ERGIC1: variants seen among roughly 807,000 people sequenced by gnomAD.
The protein encoded by ERGIC1 is endoplasmic reticulum-golgi intermediate compartment 1, also known as endoplasmic reticulum-Golgi intermediate compartment protein 1.
A neutral mutation model predicts 38.3 loss-of-function variants in ERGIC1; 19 were observed. That is an observed-to-expected ratio of 0.50 (90% CI 0.35 to 0.73). The LOEUF (loss-of-function observed/expected upper bound fraction) is 0.73, where lower values mean the gene tolerates loss of function less well. Ranked by LOEUF, ERGIC1 falls within the 30% of genes least tolerant of loss-of-function variation. The probability of loss-of-function intolerance (pLI) is 0.01; values close to 1 mark genes in which losing one functional copy is unlikely to be tolerated. For synonymous variants in ERGIC1, 124 were observed against 157.6 expected (o/e 0.79, Z 1.60); for missense variants, 294 against 389.2 (o/e 0.76, Z 2.06).
intron 9 of ERGIC1, among the ~76,000 whole-genome samples, chr5:172,939,900 C>A (rs1158411080): frequency 6.6e-6 from 1 of 152,252 alleles, no homozygotes; most frequent in Non-Finnish European, 1.5e-5. Flanking sequence ...TCCCTGGGAG[C>A]CCTCGGAGGG....
intron 1 of ERGIC1, among the ~76,000 whole-genome samples, chr5:172,840,620 C>G (rs969315613): frequency 1.3e-5 from 2 of 152,092 alleles, no homozygotes; most frequent in African/African-American, 4.8e-5. Context: ...GAGGCTGGGG[C>G]GTGGAGTTCC....
At chr5:172,851,950 T>G (rs1761419630) in intron 1 of ERGIC1, among the ~76,000 whole-genome samples, 1 of 152,064 alleles carries the variant, frequency 6.6e-6, no homozygotes, top group African/African-American at 2.4e-5. Context: ...AGTAGGAGAT[T>G]TGCCCGAGAT....
chr5:172,849,737 TCTC>T (rs1462373975), intron 1 of ERGIC1, among the ~76,000 whole-genome samples: 1 of 152,088 alleles, frequency 6.6e-6, no homozygotes, highest in Non-Finnish European at 1.5e-5. Context: ...CAGCTGTGGG[TCTC>T]CTCTCTGTCC....
chr5:172,950,580 G>C, intron 9 of ERGIC1, 129 bp from the exon 10 acceptor site: 1 of 708,780 alleles, frequency 1.4e-6, no homozygotes, highest in South Asian at 2.2e-5. Flanking sequence ...TATGTAGTGG[G>C]TATTATGGGC....
intron 1 of ERGIC1, among the ~76,000 whole-genome samples, chr5:172,863,765 A>C (rs1561707123): frequency 6.6e-6 from 1 of 152,230 alleles, no homozygotes; most frequent in Non-Finnish European, 1.5e-5. Context: ...TTCCGAGAGC[A>C]GGGCTTTGTC....
chr5:172,926,414 T>C lies in ERGIC1; in HGVS notation c.481-95T>C. The C allele has an allele frequency of 7.1e-7, 1 of 1,402,102 alleles. No individual in the cohort carries two copies. Among genetic ancestry groups the C allele is most frequent in the South Asian group, 1.2e-5 (1 of 86,430 alleles). The allele number at this position is 1,402,102 out of a possible 1,614,324, so 86.9% of individuals were successfully genotyped here. A position where few individuals can be genotyped will look rare whatever the true frequency, so the allele number is the denominator to read the frequency against. On this transcript the variant is annotated intron_variant, in intron 6 of 9. Transcript: ENST00000393784. The surrounding 1 kb of genome is among the most constrained non-coding windows in gnomAD (Gnocchi z 5.2). ...CCCTTTTACACATTGGTAGGGTTCC[T>C]AGACCAGGTGGTACCTGGCCATCCC...
chr5:172,879,775 G>A (rs376957488), intron 1 of ERGIC1, among the ~76,000 whole-genome samples: 1 of 152,160 alleles, frequency 6.6e-6, no homozygotes, highest in Non-Finnish European at 1.5e-5. Context: ...GTTTTATTCC[G>A]CACACAACAG....
intron 2 of ERGIC1, among the ~76,000 whole-genome samples, chr5:172,896,285 G>A (rs1762719077): frequency 6.6e-6 from 1 of 152,232 alleles, no homozygotes; most frequent in South Asian, 2.1e-4. Flanking sequence ...GGAAGTTGCA[G>A]TGAGCCGAGA....
chr5:172,838,546 T>G (rs1761085960), intron 1 of ERGIC1, among the ~76,000 whole-genome samples: 1 of 152,176 alleles, frequency 6.6e-6, no homozygotes, highest in Non-Finnish European at 1.5e-5. Flanking sequence ...ATGTCCTGAT[T>G]TCAACCTTCA....
At chr5:172,935,047 G>C (rs1763857353) in intron 8 of ERGIC1, 141 bp from the exon 9 acceptor site, 6 of 1,198,330 alleles carry the variant, frequency 5.0e-6, no homozygotes, top group Non-Finnish European at 7.2e-6. Context: ...ATGTGAGAGA[G>C]GGAGTGGGGG....
chr5:172,924,668 C>T (rs779288635), intron 6 of ERGIC1, among the ~76,000 whole-genome samples: 2 of 152,116 alleles, frequency 1.3e-5, no homozygotes, highest in Non-Finnish European at 2.9e-5. Flanking sequence ...AGAGGAGCAG[C>T]GGTCTCGCAT....
At chr5:172,890,108 G>T (rs1207477054) in intron 2 of ERGIC1, among the ~76,000 whole-genome samples, 1 of 152,196 alleles carries the variant, frequency 6.6e-6, no homozygotes, top group East Asian at 1.9e-4. Flanking sequence ...AGTGAGAAAG[G>T]TTGGCATGAC....
intron 1 of ERGIC1, among the ~76,000 whole-genome samples, chr5:172,835,866 G>A (rs1023829992): frequency 3.3e-5 from 5 of 152,192 alleles, no homozygotes; most frequent in African/African-American, 1.2e-4. Context: ...AACAAGGACA[G>A]CCCCTCTGGT....
At chr5:172,906,803 C>G (rs529642408) in intron 3 of ERGIC1, among the ~76,000 whole-genome samples, 2 of 152,286 alleles carry the variant, frequency 1.3e-5, no homozygotes, top group East Asian at 3.9e-4. Flanking sequence ...CAGCCGCCCC[C>G]TAGGCCAGGC....
chr5:172,897,806 C>T (rs1222822210), intron 3 of ERGIC1: 1 of 413,978 alleles, frequency 2.4e-6, no homozygotes, highest in Non-Finnish European at 4.4e-6. Context: ...GCGCCCGGCC[C>T]CCTGGACTAA....
chr5:172,867,096 T>A, intron 1 of ERGIC1: 1 of 442,774 alleles, frequency 2.3e-6, no homozygotes, highest in South Asian at 1.6e-5. Flanking sequence ...TTTGCAGACC[T>A]TGGCTTGGCT....
intron 4 of ERGIC1, among the ~76,000 whole-genome samples, chr5:172,910,725 A>G (rs977681302): frequency 2.0e-5 from 3 of 151,992 alleles, no homozygotes; most frequent in African/African-American, 7.3e-5. Flanking sequence ...GGGTTTCACC[A>G]TGTTGGCCAG....
intron 9 of ERGIC1, chr5:172,935,935 A>C (rs763726885): frequency 6.6e-6 from 1 of 152,436 alleles, no homozygotes; most frequent in Non-Finnish European, 1.5e-5. Flanking sequence ...TTCTTCACCC[A>C]AGAGGCCCAG....
intron 9 of ERGIC1, among the ~76,000 whole-genome samples, chr5:172,939,201 T>C (rs374115329): frequency 2.6e-5 from 4 of 152,200 alleles, no homozygotes; most frequent in East Asian, 3.9e-4. Flanking sequence ...TCATACGCAG[T>C]CCCTGCCTTG....
Sources: gnomAD v4.1 joint callset for allele counts (sites outside exome capture counted in the v4.1 genomes callset) on GRCh38, gnomAD v4.1.1 for gene constraint, Gnocchi (gnomAD v3.1) non-coding constraint, MANE v1.5 for transcripts, NCBI Gene and HGNC (gene_info 2026-07-23, HGNC 2026-07-21) for gene names.